Variants in ACSS3 observed in about 807,000 individuals in gnomAD.
ACSS3 encodes acyl-CoA synthetase short chain family member 3.
A neutral mutation model predicts 84.2 loss-of-function variants in ACSS3; 64 were observed. The observed-to-expected ratio is 0.76, with a 90% confidence interval of 0.62 to 0.94. The LOEUF (loss-of-function observed/expected upper bound fraction) is 0.94. ACSS3 is among the 40% of genes least tolerant of loss of function. ACSS3 has a pLI of 0.00. For synonymous variants in ACSS3, 317 were observed against 310.1 expected (o/e 1.02, Z -0.23); for missense variants, 815 against 867.6 (o/e 0.94, Z 0.76).
chr12:81,209,373 G>A (rs2032490812), intron 9 of ACSS3, among the ~76,000 whole-genome samples: 1 of 132,582 alleles, frequency 7.5e-6, no homozygotes, highest in African/African-American at 2.7e-5. Flanking sequence ...AATGTTCCTA[G>A]TATTTATTGC....
At chr12:81,124,817 A>G (rs1406117492) in intron 2 of ACSS3, among the ~76,000 whole-genome samples, 1 of 152,156 alleles carries the variant, frequency 6.6e-6, no homozygotes, top group East Asian at 1.9e-4. Context: ...ATAGAAGGTA[A>G]TCTTTCTTTG....
In ACSS3 at chr12:81,180,207, C is replaced by T. The variant is rs558038596; in HGVS notation, c.1250+5268C>T. Among the ~76,000 whole-genome samples the T allele has an allele frequency of 1.4e-4, 21 of 152,222 alleles. No homozygotes were observed. The South Asian group carries it at 2.9e-3, about 21-fold the overall frequency. ...GTATGCATGGACACAAAGAAGGGAA[C>T]AATAGACACAAGGGGTAGAGTGTGG... On this transcript the variant is annotated intron_variant, in intron 8 of 15. Transcript: ENST00000548058.
intron 5 of ACSS3, 133 bp from the exon 6 acceptor site, chr12:81,151,711 A>G (rs957085459): frequency 2.0e-5 from 14 of 696,946 alleles, no homozygotes; most frequent in Non-Finnish European, 3.2e-5. Context: ...AGATAATTTT[A>G]TAAAAGCCAA....
At position 81,109,588 on chromosome 12, in the gene ACSS3, T is replaced by C. The variant is rs1883394052; in HGVS notation, c.340T>C (p.Tyr114His). ...WFVEGMLNIC[Y>H]NAVDRHIENG... is the part of the protein sequence containing the mutation. ...TGTGGAAGGAATGCTTAACATTTGT[T>C]ACAATGCCGTTGATCGTCATATTGA... Residue 114 changes from tyrosine to histidine, a missense_variant, in exon 2 of 16, where the codon TAC becomes CAC. Coordinates refer to ENST00000548058, the MANE Select transcript of ACSS3 (RefSeq NM_024560.4). 1.9e-6 allele frequency: 3 copies of C among 1,612,126 alleles called. No homozygotes were observed. Among genetic ancestry groups the C allele is most frequent in the Non-Finnish European group, 2.5e-6 (3 of 1,179,144 alleles).
chr12:81,216,015 C>G (rs999015755), intron 9 of ACSS3, among the ~76,000 whole-genome samples: 1 of 152,084 alleles, frequency 6.6e-6, no homozygotes, highest in African/African-American at 2.4e-5. Flanking sequence ...CATCCAGGAA[C>G]AGCAGACTGA....
At chr12:81,112,458 T>A (rs1425080260) in intron 2 of ACSS3, among the ~76,000 whole-genome samples, 1 of 152,218 alleles carries the variant, frequency 6.6e-6, no homozygotes, top group Non-Finnish European at 1.5e-5. Flanking sequence ...TATGTTTTGC[T>A]TAGAAGCTTT....
At chr12:81,088,370 A>G (rs1881455226) in intron 1 of ACSS3, among the ~76,000 whole-genome samples, 1 of 152,102 alleles carries the variant, frequency 6.6e-6, no homozygotes. Flanking sequence ...TGAGGGGTAA[A>G]TAATAACTTT....
At chr12:81,162,152 G>C (rs1355139390) in intron 7 of ACSS3, among the ~76,000 whole-genome samples, 1 of 152,198 alleles carries the variant, frequency 6.6e-6, no homozygotes, top group Admixed American at 6.5e-5. Context: ...CCATGTCAAG[G>C]ATGCATGAGT....
At chr12:81,098,756 C>T (rs2121398521) in intron 1 of ACSS3, among the ~76,000 whole-genome samples, 1 of 152,346 alleles carries the variant, frequency 6.6e-6, no homozygotes, top group South Asian at 2.1e-4. Context: ...CTGTTGGCCT[C>T]AAAGCTCAGG....
At chr12:81,150,893 G>A (rs926850338) in intron 5 of ACSS3, among the ~76,000 whole-genome samples, 9 of 147,490 alleles carry the variant, frequency 6.1e-5, no homozygotes, top group Non-Finnish European at 1.1e-4. Context: ...AATTTTTTTT[G>A]CATAAGAGCA....
intron 1 of ACSS3, among the ~76,000 whole-genome samples, chr12:81,098,149 A>AGTGT (rs1297818893): frequency 4.4e-4 from 49 of 110,116 alleles, no homozygotes; most frequent in Admixed American, 3.8e-3. Context: ...AGAGAGAGAG[A>AGTGT]GAGTGTGTGT....
rs903577249 is a variant in ACSS3, at chr12:81,139,338, A to G, written c.780+73A>G. On this transcript the variant is annotated intron_variant, in intron 4 of 15. Transcript: ENST00000548058. The stretch of plus-strand genomic sequence containing the variant: ...AATGAGTTTAGTTTTTACCATTTAA[A>G]AGAGACATTTGATTTATAAGCTATT... 16 of 1,524,032 alleles carry G rather than the reference A, an allele frequency of 1.0e-5. No individual in the cohort carries two copies. In the Admixed American group the frequency reaches 2.8e-4, roughly 26 times the overall value. The allele number at this position is 1,524,032 out of a possible 1,614,324, so 94.4% of individuals were successfully genotyped here.
rs748706579 is a variant in ACSS3 at position 81,246,611 on chromosome 12, T to A, written c.1720-6696T>A. On this transcript the variant is annotated intron_variant, in intron 13 of 15. Transcript: ENST00000548058. ...TACCAATATATATTTTAGCCCAGAG[T>A]TTTTCATTGTTATTGTGGAAGATAT... 3.3e-5 allele frequency among the ~76,000 whole-genome samples: 5 copies of A among 152,200 alleles called. No homozygotes were observed. The East Asian group carries it at 5.8e-4, about 18-fold the overall frequency.
chr12:81,170,938 T>C (rs1283255918), intron 7 of ACSS3, among the ~76,000 whole-genome samples: 1 of 152,126 alleles, frequency 6.6e-6, no homozygotes, highest in Admixed American at 6.5e-5. Flanking sequence ...CCACTTTTAT[T>C]TACTGTTAAT....
chr12:81,126,710 A>G (rs1885121874), intron 2 of ACSS3, among the ~76,000 whole-genome samples: 1 of 152,172 alleles, frequency 6.6e-6, no homozygotes, highest in African/African-American at 2.4e-5. Context: ...GATTATTGAA[A>G]TACTGATTAT....
At chr12:81,188,799 G>T (rs2031413594) in intron 8 of ACSS3, among the ~76,000 whole-genome samples, 1 of 151,926 alleles carries the variant, frequency 6.6e-6, no homozygotes, top group Admixed American at 6.6e-5. Context: ...TTTTAAGTTG[G>T]CAGATACAGT....
intron 13 of ACSS3, among the ~76,000 whole-genome samples, chr12:81,249,225 C>T (rs2034080551): frequency 6.6e-6 from 1 of 152,080 alleles, no homozygotes; most frequent in African/African-American, 2.4e-5. Flanking sequence ...CTAAAATTTG[C>T]AGAAGCTAAT....
intron 13 of ACSS3, among the ~76,000 whole-genome samples, chr12:81,244,998 T>A (rs1489042637): frequency 1.3e-5 from 2 of 152,044 alleles, no homozygotes; most frequent in Non-Finnish European, 2.9e-5. Flanking sequence ...AATACTGACA[T>A]GATGTACTGT....
chr12:81,161,814 A>C (rs1405431010), intron 7 of ACSS3, among the ~76,000 whole-genome samples: 1 of 135,074 alleles, frequency 7.4e-6, no homozygotes, highest in Non-Finnish European at 1.7e-5. Context: ...TGAGCATGCA[A>C]GCGTGGGGTC....
Sources: gnomAD v4.1 joint callset for allele counts (sites outside exome capture counted in the v4.1 genomes callset) on GRCh38, gnomAD v4.1.1 for gene constraint, MANE v1.5 for transcripts, NCBI Gene and HGNC (gene_info 2026-07-23, HGNC 2026-07-21) for gene names.